Variants in CTNNA2 observed in about 807,000 individuals in gnomAD.
CTNNA2 encodes catenin alpha 2.
A neutral mutation model predicts 101.0 loss-of-function variants in CTNNA2; 42 were observed. That is an observed-to-expected ratio of 0.42 (90% CI 0.32 to 0.54). The LOEUF (loss-of-function observed/expected upper bound fraction) is 0.54. Among genes scored for constraint, CTNNA2 ranks in the 20% least tolerant of loss-of-function variants. The probability of loss-of-function intolerance (pLI) is 0.14; values close to 1 mark genes in which losing one functional copy is unlikely to be tolerated. For missense variants in CTNNA2, 871 were observed against 1,223.1 expected (o/e 0.71, Z 4.29); for synonymous variants, 450 against 456.4 (o/e 0.99, Z 0.18).
intron 1 of CTNNA2, among the ~76,000 whole-genome samples, chr2:79,640,829 A>G (rs535222860): frequency 6.6e-6 from 1 of 152,324 alleles, no homozygotes; most frequent in South Asian, 2.1e-4. Flanking sequence ...AACTGAATTT[A>G]TGTCTTAATG....
chr2:80,395,475 TTC>T (rs1677923513), intron 8 of CTNNA2, among the ~76,000 whole-genome samples: 1 of 152,220 alleles, frequency 6.6e-6, no homozygotes, highest in South Asian at 2.1e-4. Flanking sequence ...ATTTTTGTCT[TTC>T]TTCTCATCTC....
At chr2:80,197,267 A>G (rs890779791) in intron 7 of CTNNA2, among the ~76,000 whole-genome samples, 2 of 152,194 alleles carry the variant, frequency 1.3e-5, no homozygotes, top group African/African-American at 2.4e-5. Context: ...CCCAAATCTT[A>G]GCAAATTGAT....
chr2:79,669,563 T>C (rs1340080113), intron 2 of CTNNA2, among the ~76,000 whole-genome samples: 1 of 152,260 alleles, frequency 6.6e-6, no homozygotes, highest in East Asian at 1.9e-4. Context: ...AGGCAGATTG[T>C]CCAGTCGAGT....
At chr2:80,599,059 A>T (rs1008009323) in intron 15 of CTNNA2, among the ~76,000 whole-genome samples, 1 of 152,240 alleles carries the variant, frequency 6.6e-6, no homozygotes, top group Admixed American at 6.5e-5. Flanking sequence ...GTCATACAAG[A>T]TATTAACATG....
At chr2:79,438,139 A>G (rs999165056) in intron 4 of CTNNA2, among the ~76,000 whole-genome samples, 1 of 152,268 alleles carries the variant, frequency 6.6e-6, no homozygotes, top group Admixed American at 6.5e-5. Context: ...CTTACAGTGC[A>G]TGGAGACGCG....
intron 7 of CTNNA2, among the ~76,000 whole-genome samples, chr2:80,052,684 T>C (rs534648899): frequency 6.6e-6 from 1 of 152,218 alleles, no homozygotes; most frequent in Non-Finnish European, 1.5e-5. Context: ...ACTGAAGTAG[T>C]GTAACTATGA....
intron 3 of CTNNA2, among the ~76,000 whole-genome samples, 183 bp from the exon 4 acceptor site, chr2:79,857,830 C>T (rs981558100): frequency 6.6e-5 from 10 of 152,208 alleles, no homozygotes; most frequent in Non-Finnish European, 1.5e-4. Flanking sequence ...GTCCACAGCA[C>T]TTGTCCATGT....
At chr2:79,927,299 G>A (rs1687085284) in intron 7 of CTNNA2, among the ~76,000 whole-genome samples, 1 of 152,058 alleles carries the variant, frequency 6.6e-6, no homozygotes, top group Non-Finnish European at 1.5e-5. Context: ...ATCATATTAG[G>A]TAATATATGC....
chr2:80,377,284 G>C (rs1004860506), intron 7 of CTNNA2, among the ~76,000 whole-genome samples: 1 of 152,160 alleles, frequency 6.6e-6, no homozygotes, highest in Non-Finnish European at 1.5e-5. Flanking sequence ...TCAGATTCTT[G>C]GCACTGTGCC....
At chr2:80,033,910 GTTGGATTGTTATC>G (rs2104214711) in intron 7 of CTNNA2, among the ~76,000 whole-genome samples, 1 of 142,854 alleles carries the variant, frequency 7.0e-6, no homozygotes, top group South Asian at 2.3e-4. Flanking sequence ...TAAAATTACT[GTTGGATTGTTATC>G]TTGAGCCACA....
chr2:80,083,082 C>G (rs575720800), intron 7 of CTNNA2, among the ~76,000 whole-genome samples: 1 of 152,240 alleles, frequency 6.6e-6, no homozygotes, highest in African/African-American at 2.4e-5. Context: ...TCCTTCTGTT[C>G]TCATGTGGGA....
At chr2:80,163,265 G>A (rs1704449115) in intron 7 of CTNNA2, 1 of 663,606 alleles carries the variant, frequency 1.5e-6, no homozygotes, top group Non-Finnish European at 2.6e-6. Context: ...TATTAAGCCA[G>A]CCTTGTATCC....
intron 3 of CTNNA2, among the ~76,000 whole-genome samples, chr2:79,814,158 C>T (rs1219506066): frequency 6.6e-6 from 1 of 152,160 alleles, no homozygotes; most frequent in African/African-American, 2.4e-5. Flanking sequence ...GCTCCCCCAA[C>T]TTTTATATAT....
At chr2:79,212,347 C>G (rs916634946) in intron 2 of CTNNA2, among the ~76,000 whole-genome samples, 2 of 152,134 alleles carry the variant, frequency 1.3e-5, no homozygotes, top group African/African-American at 4.8e-5. Flanking sequence ...TCTGGAATGA[C>G]ACTGAGGCCT....
chr2:80,498,438 C>T (rs550133005), intron 9 of CTNNA2, among the ~76,000 whole-genome samples: 4 of 152,336 alleles, frequency 2.6e-5, no homozygotes, highest in African/African-American at 9.6e-5. Flanking sequence ...ATGTATTTCC[C>T]TACCAAAGAA....
chr2:80,241,706 T>C (rs1303571261), intron 7 of CTNNA2, among the ~76,000 whole-genome samples: 1 of 152,132 alleles, frequency 6.6e-6, no homozygotes, highest in Non-Finnish European at 1.5e-5. Flanking sequence ...TAACTAACTC[T>C]AGGTTAATGA....
At chr2:79,372,950 G>C (rs1168588927) in intron 3 of CTNNA2, among the ~76,000 whole-genome samples, 1 of 152,116 alleles carries the variant, frequency 6.6e-6, no homozygotes, top group Non-Finnish European at 1.5e-5. Context: ...AACTCCCCAG[G>C]TTTTACAACT....
chr2:80,177,538 TA>T (rs1705471549), intron 7 of CTNNA2, among the ~76,000 whole-genome samples: 2 of 152,158 alleles, frequency 1.3e-5, no homozygotes, highest in Non-Finnish European at 2.9e-5. Flanking sequence ...AGCCCATGCA[TA>T]ACCTCCATCT....
chr2:80,621,808 C>A (rs1671152078), intron 18 of CTNNA2, among the ~76,000 whole-genome samples: 1 of 151,856 alleles, frequency 6.6e-6, no homozygotes, highest in African/African-American at 2.4e-5. Flanking sequence ...TGTGCAACCT[C>A]TTTGAGGAGT....
Sources: gnomAD v4.1 joint callset for allele counts (sites outside exome capture counted in the v4.1 genomes callset) on GRCh38, gnomAD v4.1.1 for gene constraint, MANE v1.5 for transcripts, NCBI Gene and HGNC (gene_info 2026-07-23, HGNC 2026-07-21) for gene names.